Variants in PLCG2 observed in about 807,000 individuals in gnomAD.
The protein encoded by PLCG2 is 1-phosphatidylinositol 4,5-bisphosphate phosphodiesterase gamma-2.
PLCG2 carries 69 observed loss-of-function variants against 175.6 expected under a neutral mutation model. The ratio of observed to expected loss-of-function variants is 0.39; its 90% CI spans 0.32 to 0.48. The LOEUF (loss-of-function observed/expected upper bound fraction) is 0.48. PLCG2 is among the 20% of genes least tolerant of loss of function. PLCG2 has a pLI of 0.91. For synonymous variants in PLCG2, 827 were observed against 624.0 expected, an observed-to-expected ratio of 1.33 and a Z score of -4.85; for missense variants, 1,798 against 1,650.9, an observed-to-expected ratio of 1.09 and a Z score of -1.54.
At chr16:81,899,597 T>C (rs775840144) in intron 13 of PLCG2, among the ~76,000 whole-genome samples, 19 of 152,092 alleles carry the variant, frequency 1.2e-4, no homozygotes, top group Non-Finnish European at 1.8e-4. Flanking sequence ...CTTCAACAAG[T>C]GTCCTCACCA....
At chr16:81,830,967 A>G (rs377624965) in intron 2 of PLCG2, among the ~76,000 whole-genome samples, 1 of 152,076 alleles carries the variant, frequency 6.6e-6, no homozygotes. Context: ...GCTGGTGACA[A>G]CCTTGCTCTT....
chr16:81,926,240 C>T (rs1487299189), intron 22 of PLCG2, among the ~76,000 whole-genome samples: 3 of 152,108 alleles, frequency 2.0e-5, no homozygotes, highest in Non-Finnish European at 4.4e-5. Context: ...CTGTGCTGGG[C>T]CGTGGCTGCC....
At chr16:81,745,613 A>T (rs1283055985) in intron 1 of PLCG2, among the ~76,000 whole-genome samples, 1 of 152,186 alleles carries the variant, frequency 6.6e-6, no homozygotes, top group Non-Finnish European at 1.5e-5. Flanking sequence ...CTGGGGATAC[A>T]GAGATAAATT....
At chr16:81,803,896 A>T (rs753329076) in intron 2 of PLCG2, among the ~76,000 whole-genome samples, 25 of 152,038 alleles carry the variant, frequency 1.6e-4, no homozygotes, top group Non-Finnish European at 3.5e-4. Flanking sequence ...TGGCCAAGCT[A>T]GTCTTGAACT....
chr16:81,892,418 G>A (rs1232351013), intron 11 of PLCG2, among the ~76,000 whole-genome samples: 1 of 152,170 alleles, frequency 6.6e-6, no homozygotes, highest in African/African-American at 2.4e-5. Context: ...GAAGTCCTTG[G>A]GTGATGGCCC....
At chr16:81,888,337 A>G (rs1327490395) in intron 9 of PLCG2, among the ~76,000 whole-genome samples, 1 of 152,002 alleles carries the variant, frequency 6.6e-6, no homozygotes, top group Non-Finnish European at 1.5e-5. Context: ...CAGCCTCCTG[A>G]GTAGCTGGGA....
In PLCG2 at chr16:81,785,957, C is replaced by G. The variant is rs1910950423; in HGVS notation, c.-33C>G. ...TGCCCTTTCAGCTTCCTGATTTCTC[C>G]CGATTCCTTCCTTCTCCCTGGAGCG... is the stretch of plus-strand genomic sequence containing the variant. On this transcript the variant is annotated 5_prime_UTR_variant, in exon 2 of 33. Transcript: ENST00000564138. The G allele has an allele frequency of 1.3e-6, 2 of 1,593,932 alleles. No homozygotes were observed. Among genetic ancestry groups the G allele is most frequent in the Admixed American group, 1.7e-5 (1 of 58,170 alleles).
At position 81,952,199 on chromosome 16, in the gene PLCG2, C is replaced by T. The variant is rs1036409147; in HGVS notation, c.3571-4496C>T. On this transcript the variant is annotated intron_variant, in intron 31 of 32. Transcript: ENST00000564138. ...TGAACAAGTAGAAATTTATACCAAC[C>T]CTTCCAAAATTAATGTTGGATTGGA... is the stretch of plus-strand genomic sequence containing the variant. 1.1e-4 allele frequency among the ~76,000 whole-genome samples: 16 copies of T among 151,670 alleles called. 1 individual carries two copies. The highest frequency in any genetic ancestry group is 3.9e-4 in the Admixed American group (6 of 15,234).
chr16:81,930,907 A>G (rs766010088), intron 24 of PLCG2, among the ~76,000 whole-genome samples: 2 of 152,200 alleles, frequency 1.3e-5, no homozygotes, highest in Non-Finnish European at 2.9e-5. Context: ...TTGCTTAGCT[A>G]TATTTTAAAT....
chr16:81,913,210 T>C (rs568615905), intron 19 of PLCG2, among the ~76,000 whole-genome samples: 1 of 152,292 alleles, frequency 6.6e-6, no homozygotes, highest in Non-Finnish European at 1.5e-5. Flanking sequence ...CTTCCACTAA[T>C]GACAAGGAGC....
intron 24 of PLCG2, chr16:81,928,861 T>C (rs1027044344): frequency 2.2e-6 from 1 of 455,080 alleles, no homozygotes. Flanking sequence ...AAGTGCTAGA[T>C]GGTGGTTAGC....
intron 1 of PLCG2, among the ~76,000 whole-genome samples, chr16:81,750,663 A>ATTTTTTTTTGTTTTTTTTTTT: frequency 1.5e-5 from 1 of 68,446 alleles, no homozygotes. Context: ...GGGACTGGAG[A>ATTTTTTTTTGTTTTTTTTTTT]TTTTTTTTTT....
At chr16:81,929,909 C>T (rs1280096956) in intron 24 of PLCG2, among the ~76,000 whole-genome samples, 1 of 152,240 alleles carries the variant, frequency 6.6e-6, no homozygotes, top group Non-Finnish European at 1.5e-5. Flanking sequence ...CCTGTATCTG[C>T]AGAGCAGAGG....
chr16:81,785,934 C>A lies in PLCG2; in HGVS notation c.-47-9C>A, dbSNP rs759758361. 3 of 1,513,526 alleles carry A rather than the reference C, an allele frequency of 2.0e-6. No individual in the cohort carries two copies. Among genetic ancestry groups the A allele is most frequent in the Non-Finnish European group, 1.8e-6 (2 of 1,099,428 alleles). 93.8% of individuals were successfully genotyped at this position (1,513,526 alleles called of 1,614,324 possible). ...AAAATCAGTTCACTCTTTAATTCTGCCCTTTCAGCTTCCTGATTTCTCCCG... is the reference window on the plus strand; with the variant it reads ...AAAATCAGTTCACTCTTTAATTCTGACCTTTCAGCTTCCTGATTTCTCCCG... On this transcript the variant is annotated splice_polypyrimidine_tract_variant and intron_variant, in intron 1 of 32. Transcript: ENST00000564138.
At chr16:81,781,323 A>G (rs916168304) in intron 1 of PLCG2, among the ~76,000 whole-genome samples, 5 of 151,918 alleles carry the variant, frequency 3.3e-5, no homozygotes, top group African/African-American at 1.2e-4. Flanking sequence ...TATCATCCTC[A>G]TTCTTTCTGA....
chr16:81,837,900 C>A (rs1905609507), intron 2 of PLCG2, among the ~76,000 whole-genome samples: 1 of 152,138 alleles, frequency 6.6e-6, no homozygotes, highest in African/African-American at 2.4e-5. Context: ...AACCCACTAC[C>A]AGTCTTATTC....
intron 31 of PLCG2, among the ~76,000 whole-genome samples, chr16:81,949,434 C>G (rs1217636789): frequency 2.0e-5 from 3 of 152,156 alleles, no homozygotes; most frequent in Non-Finnish European, 4.4e-5. Context: ...TCAGACTTGT[C>G]CTCTTTGGTG....
chr16:81,949,372 C>A (rs1292940957), intron 31 of PLCG2, among the ~76,000 whole-genome samples: 1 of 152,092 alleles, frequency 6.6e-6, no homozygotes, highest in Non-Finnish European at 1.5e-5. Context: ...ATTTAAAAAC[C>A]TGGACTTCCA....
At chr16:81,751,291 G>T (rs1479488517) in intron 1 of PLCG2, among the ~76,000 whole-genome samples, 1 of 152,122 alleles carries the variant, frequency 6.6e-6, no homozygotes, top group Non-Finnish European at 1.5e-5. Flanking sequence ...TGGAACTAGA[G>T]ATTGATGGCC....
Sources: allele counts gnomAD v4.1 joint callset (sites outside exome capture counted in the v4.1 genomes callset), GRCh38; gene constraint gnomAD v4.1.1; transcripts MANE v1.5; gene names NCBI Gene and HGNC (gene_info 2026-07-23, HGNC 2026-07-21).